PHEX: variants seen among roughly 807,000 people sequenced by gnomAD.
PHEX encodes the protein phosphate-regulating neutral endopeptidase PHEX.
Under a neutral mutation model 68.0 loss-of-function variants are expected in PHEX, and 16 were observed. That is an observed-to-expected ratio of 0.24 (90% confidence interval 0.16 to 0.36). PHEX has a LOEUF of 0.36. PHEX is among the 10% of genes least tolerant of loss of function. The pLI, the probability that PHEX is intolerant of heterozygous loss-of-function variation, is 1.00. For synonymous variants in PHEX, 208 were observed against 205.1 expected (o/e 1.01, Z -0.12); for missense variants, 480 against 575.5 (o/e 0.83, Z 1.70).
rs771154693 is a variant in PHEX, at chrX:22,199,076, A to G, written c.1645+8574A>G. On this transcript the variant is annotated intron_variant, in intron 15 of 21. Transcript: ENST00000379374. Reference sequence around the variant, plus strand: ...TGCCCCTATGATTTAATTACCTCCCACTGGGTCCCTCCTACAACATGTGGG... The same window carrying G: ...TGCCCCTATGATTTAATTACCTCCCGCTGGGTCCCTCCTACAACATGTGGG... 6.3e-5 allele frequency among the ~76,000 whole-genome samples: 7 copies of G among 111,597 alleles called. No individual in the cohort carries two copies. The East Asian group carries it at 2.0e-3, about 31-fold the overall frequency.
intron 3 of PHEX, among the ~76,000 whole-genome samples, chrX:22,067,783 A>C (rs1454076337): frequency 9.1e-6 from 1 of 110,036 alleles, no homozygotes. Context: ...TGAATTAGAC[A>C]CTCAAGTTAA....
chrX:22,228,195 GTC>G (rs1935576050), intron 20 of PHEX, among the ~76,000 whole-genome samples: 1 of 112,318 alleles, frequency 8.9e-6, no homozygotes, highest in Middle Eastern at 4.2e-3. Context: ...CCGAGCCTGA[GTC>G]TCTGTCTAAT....
At chrX:22,153,047 A>C (rs1240380294) in intron 12 of PHEX, among the ~76,000 whole-genome samples, 1 of 108,020 alleles carries the variant, frequency 9.3e-6, no homozygotes, top group African/African-American at 3.4e-5. Flanking sequence ...GCTGGAGTGC[A>C]GTGGCACCAT....
intron 2 of PHEX, among the ~76,000 whole-genome samples, chrX:22,040,864 G>A (rs758935097): frequency 5.4e-5 from 6 of 110,255 alleles, no homozygotes; most frequent in Admixed American, 1.9e-4. Context: ...AAGATGTCTC[G>A]GTGGAGGGCT....
At chrX:22,038,203 A>T (rs1927112063) in intron 1 of PHEX, among the ~76,000 whole-genome samples, 1 of 110,546 alleles carries the variant, frequency 9.0e-6, no homozygotes, top group Admixed American at 9.6e-5. Context: ...TCTAGAGACC[A>T]CACTCTTAGG....
At chrX:22,109,323 CTG>C (rs1930852147) in intron 9 of PHEX, among the ~76,000 whole-genome samples, 1 of 112,415 alleles carries the variant, frequency 8.9e-6, no homozygotes, top group African/African-American at 3.2e-5. Flanking sequence ...TATATGGACA[CTG>C]TGTCTTGAAG....
At chrX:22,159,639 C>A (rs1217119568) in intron 12 of PHEX, among the ~76,000 whole-genome samples, 1 of 112,347 alleles carries the variant, frequency 8.9e-6, no homozygotes, top group Non-Finnish European at 1.9e-5. Context: ...AGAGTCACAG[C>A]CATTCATTTA....
At chrX:22,045,748 G>A (rs939426841) in intron 2 of PHEX, among the ~76,000 whole-genome samples, 5 of 111,804 alleles carry the variant, frequency 4.5e-5, no homozygotes, top group Non-Finnish European at 7.5e-5. Context: ...CAGCCAAGGC[G>A]TCTGTGGAGC....
intron 20 of PHEX, among the ~76,000 whole-genome samples, chrX:22,234,000 G>A (rs1935866513): frequency 9.3e-6 from 1 of 107,406 alleles, no homozygotes; most frequent in South Asian, 3.8e-4. Context: ...GGGTATTTTA[G>A]TAGACGTGCT....
At chrX:22,066,329 G>A (rs1472325801) in intron 3 of PHEX, among the ~76,000 whole-genome samples, 1 of 112,108 alleles carries the variant, frequency 8.9e-6, no homozygotes, top group African/African-American at 3.2e-5. Context: ...AAACGAAGGT[G>A]GAGTTTGACT....
chrX:22,198,593 G>A lies in PHEX; in HGVS notation c.1645+8091G>A, dbSNP rs780031666. Among the ~76,000 whole-genome samples the A allele has an allele frequency of 1.6e-4, 18 of 111,447 alleles. No homozygotes were observed. In the East Asian group the frequency reaches 2.5e-3, roughly 16 times the overall value. ...AAGCACTGTTGTTTGGTGCAAAGGC[G>A]CAGATATGGCAGAACATAGCACAGG... is the stretch of plus-strand genomic sequence containing the variant. On this transcript the variant is annotated intron_variant, in intron 15 of 21. Transcript: ENST00000379374.
chrX:22,239,388 TTTTGATGAATTGACAGAAG>T (rs1396273675), intron 20 of PHEX, among the ~76,000 whole-genome samples: 1 of 110,684 alleles, frequency 9.0e-6, no homozygotes, highest in Non-Finnish European at 1.9e-5. Context: ...GAAAGAATGA[TTTTGATGAATTGACAGAAG>T]TAGGCTTCAG....
chrX:22,148,092 G>A (rs1445775636), intron 12 of PHEX, among the ~76,000 whole-genome samples: 1 of 111,233 alleles, frequency 9.0e-6, no homozygotes, highest in Non-Finnish European at 1.9e-5. Flanking sequence ...TATTTCCTAT[G>A]ATTCTGTGGG....
intron 12 of PHEX, among the ~76,000 whole-genome samples, chrX:22,157,244 C>T: frequency 8.9e-6 from 1 of 112,056 alleles, no homozygotes; most frequent in Non-Finnish European, 1.9e-5. Flanking sequence ...GCCATCCCAG[C>T]ACTTTGAGAG....
At chrX:22,139,248 G>T (rs1174985215) in intron 12 of PHEX, among the ~76,000 whole-genome samples, 1 of 111,485 alleles carries the variant, frequency 9.0e-6, no homozygotes, top group African/African-American at 3.3e-5. Flanking sequence ...CAAGTTGTCA[G>T]CCGTTTGGTC....
chrX:22,170,095 T>C (rs752924048), intron 13 of PHEX, among the ~76,000 whole-genome samples: 2 of 112,224 alleles, frequency 1.8e-5, no homozygotes, highest in Non-Finnish European at 3.8e-5. Flanking sequence ...ATTTTGGAAA[T>C]ATATCTGTAT....
chrX:22,249,455 A>AAAAATTATATATATATAT lies in PHEX; in HGVS notation c.*1503_*1504insAAATTATATATATATATA. On this transcript the variant is annotated 3_prime_UTR_variant, in exon 22 of 22. Transcript: ENST00000379374. ...TTGTGATTCTTTTAAAAAAAAAAAAAATATATATATATATATATATATATA... is the reference window on the plus strand; with the variant it reads ...TTGTGATTCTTTTAAAAAAAAAAAAAAAAATTATATATATATATATATATATATATATATATATATATA... The AAAAATTATATATATATAT allele has an allele frequency of 2.5e-5, 1 of 39,764 alleles. No homozygotes were observed. The highest frequency in any genetic ancestry group is 4.1e-5 in the Non-Finnish European group (1 of 24,474). 3.3% of individuals were successfully genotyped at this position (39,764 alleles called of 1,213,427 possible).
At chrX:22,130,566 A>C (rs976750215) in intron 11 of PHEX, among the ~76,000 whole-genome samples, 72 of 108,665 alleles carry the variant, frequency 6.6e-4, no homozygotes, top group African/African-American at 2.4e-3. Context: ...AAAAAAAAAA[A>C]AAAAAACTTA....
intron 15 of PHEX, among the ~76,000 whole-genome samples, chrX:22,209,743 T>TCCC (rs1934841105): frequency 1.3e-5 from 1 of 79,452 alleles, no homozygotes; most frequent in African/African-American, 5.8e-5. Flanking sequence ...CTGCTCCCTC[T>TCCC]GCTCCCTCTC....
Sources: allele counts gnomAD v4.1 joint callset (sites outside exome capture counted in the v4.1 genomes callset), GRCh38; gene constraint gnomAD v4.1.1; transcripts MANE v1.5; gene names NCBI Gene and HGNC (gene_info 2026-07-23, HGNC 2026-07-21).